The following SPIDR variants were observed in gnomAD, a reference collection of about 807,000 sequenced individuals.
SPIDR encodes DNA repair-scaffolding protein.
SPIDR carries 93 observed loss-of-function variants against 104.6 expected under a neutral mutation model. The ratio of observed to expected loss-of-function variants is 0.89; its 90% CI spans 0.75 to 1.06. The LOEUF is 1.06. Ranked by LOEUF, SPIDR falls within the 50% of genes least tolerant of loss-of-function variation. The pLI, the probability that SPIDR is intolerant of heterozygous loss-of-function variation, is 0.00. For missense variants in SPIDR, 1,154 were observed against 1,111.2 expected (o/e 1.04, Z -0.55); for synonymous variants, 431 against 416.9 (o/e 1.03, Z -0.41).
Position 47,673,894 on chromosome 8 carries a change from T to C in SPIDR, c.1638T>C (p.Ser546=), listed in dbSNP as rs1442595110. ...MSKARQLEGK[S]CSLVGMKVLQ... is the part of the protein sequence containing the mutation. Reference sequence around the variant, plus strand: ...AGGCAAGACAGTTGGAAGGGAAGTCTTGCAGCCTGGTGGGAATGAAGGTTC... The same window carrying C: ...AGGCAAGACAGTTGGAAGGGAAGTCCTGCAGCCTGGTGGGAATGAAGGTTC... Residue 546 remains serine (S), a synonymous_variant, in exon 11 of 20, where the codon TCT becomes TCC. Coordinates refer to ENST00000297423, the MANE Select transcript of SPIDR (RefSeq NM_001080394.4). 9 of 1,614,022 alleles carry C rather than the reference T, an allele frequency of 5.6e-6. No homozygotes were observed. Among genetic ancestry groups the C allele is most frequent in the Non-Finnish European group, 7.6e-6 (9 of 1,180,034 alleles).
At chr8:47,557,862 G>A (rs1018720088) in intron 8 of SPIDR, among the ~76,000 whole-genome samples, 3 of 152,094 alleles carry the variant, frequency 2.0e-5, no homozygotes, top group African/African-American at 7.2e-5. Context: ...GTAGAAATGG[G>A]CTTTACTGTT....
intron 7 of SPIDR, among the ~76,000 whole-genome samples, chr8:47,434,620 T>C (rs567570305): frequency 6.6e-6 from 1 of 152,338 alleles, no homozygotes; most frequent in East Asian, 1.9e-4. Flanking sequence ...CAGATGTTCC[T>C]GCCCTCTATT....
intron 3 of SPIDR, among the ~76,000 whole-genome samples, chr8:47,288,396 T>C (rs946576811): frequency 6.6e-5 from 10 of 152,124 alleles, no homozygotes; most frequent in African/African-American, 2.4e-4. Context: ...AGCAATTCTC[T>C]GCCTCAGTCT....
At chr8:47,389,625 C>T (rs1212749545) in intron 5 of SPIDR, among the ~76,000 whole-genome samples, 1 of 138,914 alleles carries the variant, frequency 7.2e-6, no homozygotes, top group African/African-American at 2.8e-5. Flanking sequence ...GAAGGCAGAG[C>T]TTGCAGTGAG....
chr8:47,484,152 G>A (rs993354556), intron 8 of SPIDR, among the ~76,000 whole-genome samples: 4 of 152,194 alleles, frequency 2.6e-5, no homozygotes, highest in African/African-American at 4.8e-5. Flanking sequence ...TGACCTCACC[G>A]AAAGAAGTCA....
chr8:47,339,636 T>C (rs1554612354), intron 5 of SPIDR, among the ~76,000 whole-genome samples: 1 of 152,078 alleles, frequency 6.6e-6, no homozygotes, highest in East Asian at 1.9e-4. Flanking sequence ...AAACAAAAAC[T>C]TTAAGCTGAA....
chr8:47,630,019 A>G (rs2066811292), intron 10 of SPIDR, among the ~76,000 whole-genome samples: 1 of 152,262 alleles, frequency 6.6e-6, no homozygotes. Context: ...GTAAAATTAC[A>G]GTGCTGAATG....
rs377102544 is a variant in SPIDR at position 47,358,703 on chromosome 8, C to T, written c.526-37673C>T. Among the ~76,000 whole-genome samples, 9 of 152,314 alleles carry T rather than the reference C, an allele frequency of 5.9e-5. No individual in the cohort carries two copies. In the East Asian group the frequency reaches 1.7e-3, roughly 29 times the overall value. ...GATTGTCTCATTAAAATTTGTTTTG[C>T]AGTTCAATTGCATTATCTGATCCCT... On this transcript the variant is annotated intron_variant, in intron 5 of 19. Coordinates refer to ENST00000297423, the MANE Select transcript of SPIDR (RefSeq NM_001080394.4).
intron 7 of SPIDR, among the ~76,000 whole-genome samples, chr8:47,425,318 C>G (rs1554683933): frequency 6.6e-6 from 1 of 152,040 alleles, no homozygotes; most frequent in African/African-American, 2.4e-5. Context: ...TTGCTGGGCT[C>G]TAAAGATACA....
At chr8:47,603,224 A>G (rs1040594922) in intron 10 of SPIDR, among the ~76,000 whole-genome samples, 1 of 151,618 alleles carries the variant, frequency 6.6e-6, no homozygotes, top group Non-Finnish European at 1.5e-5. Flanking sequence ...AGGCAAAGAG[A>G]GAAAGTGATG....
At chr8:47,655,510 G>C (rs570339769) in intron 10 of SPIDR, among the ~76,000 whole-genome samples, 1 of 152,324 alleles carries the variant, frequency 6.6e-6, no homozygotes, top group Admixed American at 6.5e-5. Context: ...TCTTTTGGCT[G>C]CATAAATGTC....
intron 11 of SPIDR, among the ~76,000 whole-genome samples, chr8:47,683,203 T>C (rs1368908487): frequency 6.6e-6 from 1 of 152,244 alleles, no homozygotes; most frequent in East Asian, 1.9e-4. Flanking sequence ...AAAAATAAGC[T>C]CACATTATTG....
At chr8:47,607,429 T>G (rs1226654188) in intron 10 of SPIDR, among the ~76,000 whole-genome samples, 1 of 152,214 alleles carries the variant, frequency 6.6e-6, no homozygotes, top group Non-Finnish European at 1.5e-5. Flanking sequence ...TCCAAGGCCA[T>G]TTGACATTGT....
intron 10 of SPIDR, among the ~76,000 whole-genome samples, chr8:47,663,205 G>A (rs952590549): frequency 6.6e-6 from 1 of 152,178 alleles, no homozygotes; most frequent in Non-Finnish European, 1.5e-5. Context: ...TCGGCCTAAA[G>A]GTCACCTTCC....
At chr8:47,686,942 T>C (rs921980252) in intron 11 of SPIDR, among the ~76,000 whole-genome samples, 1 of 147,020 alleles carries the variant, frequency 6.8e-6, no homozygotes, top group Non-Finnish European at 1.5e-5. Flanking sequence ...GTTAGGGTTC[T>C]TTTTTTTTTT....
At chr8:47,574,283 G>A (rs2058834341) in intron 8 of SPIDR, among the ~76,000 whole-genome samples, 1 of 152,206 alleles carries the variant, frequency 6.6e-6, no homozygotes, top group Non-Finnish European at 1.5e-5. Flanking sequence ...TTGACTGGAA[G>A]TTCAATTTAG....
chr8:47,398,758 T>C (rs1314035640), intron 6 of SPIDR, among the ~76,000 whole-genome samples: 1 of 152,162 alleles, frequency 6.6e-6, no homozygotes, highest in East Asian at 1.9e-4. Context: ...GGAGATCCAG[T>C]GCTGGGCGAG....
intron 8 of SPIDR, among the ~76,000 whole-genome samples, chr8:47,548,683 G>A (rs2089921792): frequency 6.6e-6 from 1 of 152,158 alleles, no homozygotes; most frequent in Non-Finnish European, 1.5e-5. Flanking sequence ...TAAGAATGAT[G>A]AAAGGACTAA....
intron 8 of SPIDR, among the ~76,000 whole-genome samples, chr8:47,566,755 C>T (rs761274542): frequency 6.6e-6 from 1 of 151,906 alleles, no homozygotes. Context: ...CATTAGGCAC[C>T]GAGAAGTACA....
Sources: gnomAD v4.1 joint callset for allele counts (sites outside exome capture counted in the v4.1 genomes callset) on GRCh38, gnomAD v4.1.1 for gene constraint, MANE v1.5 for transcripts, NCBI Gene and HGNC (gene_info 2026-07-23, HGNC 2026-07-21) for gene names.